Variants in CDKL1 observed in about 807,000 individuals in gnomAD.
CDKL1 encodes the protein cyclin dependent kinase like 1.
A neutral mutation model predicts 42.0 loss-of-function variants in CDKL1; 41 were observed. That is an observed-to-expected ratio of 0.98 (90% CI 0.76 to 1.27). CDKL1 has a LOEUF of 1.27. Ranked by LOEUF, CDKL1 falls within the 50% of genes most tolerant of loss-of-function variation. The probability of loss-of-function intolerance (pLI) is 0.00; values close to 1 mark genes in which losing one functional copy is unlikely to be tolerated. For synonymous variants in CDKL1, 153 were observed against 158.6 expected (o/e 0.96, Z 0.26); for missense variants, 394 against 428.4 (o/e 0.92, Z 0.71).
At chr14:50,360,614 G>A (rs1035161481) in intron 2 of CDKL1, among the ~76,000 whole-genome samples, 4 of 151,200 alleles carry the variant, frequency 2.6e-5, no homozygotes, top group African/African-American at 9.7e-5. Flanking sequence ...CGCCATGTTG[G>A]TCAGGCTGGT....
intron 6 of CDKL1, among the ~76,000 whole-genome samples, chr14:50,339,519 A>AG (rs1339507140): frequency 1.5e-4 from 13 of 87,240 alleles, no homozygotes; most frequent in East Asian, 7.8e-4. Context: ...AGAGGGAGGG[A>AG]GGAAGAGAGG....
chr14:50,328,921 A>AT lies in CDKL1; in HGVS notation c.*1152_*1153insA, dbSNP rs2032801516. 4.6e-5 allele frequency: 5 copies of AT among 109,022 alleles called. No homozygotes were observed. Among genetic ancestry groups the AT allele is most frequent in the African/African-American group, 1.7e-4 (5 of 28,960 alleles). The allele number at this position is 109,022 out of a possible 1,614,324, so 6.8% of individuals were successfully genotyped here. On this transcript the variant is annotated 3_prime_UTR_variant, in exon 10 of 10. Transcript: ENST00000395834. ...GTGGCAGGTTTTATATATATATATAAAAAACACATATATATATATGTGTGT... is the reference window on the plus strand; with the variant it reads ...GTGGCAGGTTTTATATATATATATAATAAAACACATATATATATATGTGTGT...
At chr14:50,363,109 C>T (rs1161058562) in intron 2 of CDKL1, 2 of 287,944 alleles carry the variant, frequency 6.9e-6, no homozygotes, top group African/African-American at 4.4e-5. Flanking sequence ...TCTGCAGCTT[C>T]ACTCTTGAGC....
chr14:50,356,191 T>G (rs1014009988), intron 3 of CDKL1, among the ~76,000 whole-genome samples: 3 of 152,150 alleles, frequency 2.0e-5, no homozygotes, highest in Non-Finnish European at 2.9e-5. Context: ...GTCTAATAGA[T>G]CAAATATGAA....
In CDKL1 at chr14:50,342,215, T is replaced by C; in HGVS notation, c.371A>G (p.His124Arg). Residue 124 changes from histidine to arginine, a missense_variant, in exon 5 of 10, where the codon CAT becomes CGT. His to Arg is a conservative substitution (Grantham distance 29). Coordinates refer to ENST00000395834, the MANE Select transcript of CDKL1 (RefSeq NM_004196.7). ...GATATTTTCTGGCTTCACGTCTCTA[T>C]GTATGCACTAGTGTAACAAATCAAA... ...VNFCHKHNCI[H>R]RDVKPENILI... is the part of the protein sequence containing the mutation. The C allele has an allele frequency of 6.2e-7, 1 of 1,613,340 alleles. No homozygotes were observed. The highest frequency in any genetic ancestry group is 2.2e-5 in the East Asian group (1 of 44,854).
At chr14:50,373,675 T>G (rs2034649449) in intron 2 of CDKL1, among the ~76,000 whole-genome samples, 1 of 152,158 alleles carries the variant, frequency 6.6e-6, no homozygotes, top group African/African-American at 2.4e-5. Flanking sequence ...GAAAAGATGA[T>G]TAACATCTTT....
In CDKL1 at chr14:50,328,191, T is replaced by C. The variant is rs568297214; in HGVS notation, c.*1883A>G. On this transcript the variant is annotated 3_prime_UTR_variant, in exon 10 of 10. Coordinates refer to ENST00000395834, the MANE Select transcript of CDKL1 (RefSeq NM_004196.7). ...TATTAGGCTGTTATAGTAATCTGCC[T>C]CCGTCAAGTGTATTTTCTTGGGTTA... 1.4e-4 allele frequency: 22 copies of C among 152,306 alleles called. No individual in the cohort carries two copies. The South Asian group carries it at 4.6e-3, about 32-fold the overall frequency. 9.4% of individuals were successfully genotyped at this position (152,306 alleles called of 1,614,324 possible). A position where few individuals can be genotyped will look rare whatever the true frequency, so the allele number is the denominator to read the frequency against.
intron 7 of CDKL1, among the ~76,000 whole-genome samples, chr14:50,337,850 T>G (rs2033364315): frequency 6.6e-6 from 1 of 151,518 alleles, no homozygotes; most frequent in Non-Finnish European, 1.5e-5. Flanking sequence ...TAGGCCAACT[T>G]TTTGTATTTT....
chr14:50,335,492 G>A (rs541421302), intron 7 of CDKL1: 195 of 1,535,994 alleles, frequency 1.3e-4, no homozygotes, highest in Admixed American at 8.0e-4. Context: ...TGGGGCATTC[G>A]TCAATCTCCT....
At chr14:50,391,610 C>T (rs1407894000) in intron 2 of CDKL1, among the ~76,000 whole-genome samples, 4 of 152,070 alleles carry the variant, frequency 2.6e-5, no homozygotes, top group African/African-American at 7.2e-5. Context: ...CTCAAGCTCC[C>T]GACCTCAAGT....
At chr14:50,375,898 CAG>C (rs1157217732) in intron 2 of CDKL1, among the ~76,000 whole-genome samples, 1 of 152,026 alleles carries the variant, frequency 6.6e-6, no homozygotes, top group Non-Finnish European at 1.5e-5. Flanking sequence ...TGAGAAAAAA[CAG>C]ACAAATTCCA....
intron 2 of CDKL1, among the ~76,000 whole-genome samples, chr14:50,385,297 G>C (rs912897723): frequency 2.6e-5 from 4 of 152,022 alleles, no homozygotes; most frequent in Non-Finnish European, 5.9e-5. Context: ...CTTACTGATG[G>C]GAGCTAGTGT....
chr14:50,330,886 C>T (rs908775868), intron 9 of CDKL1: 7 of 152,110 alleles, frequency 4.6e-5, no homozygotes, highest in Non-Finnish European at 7.3e-5. Flanking sequence ...AGCCATTGTC[C>T]TCAGAAAAGT....
At chr14:50,369,496 TTTAA>T (rs1454431398) in intron 2 of CDKL1, among the ~76,000 whole-genome samples, 6 of 151,650 alleles carry the variant, frequency 4.0e-5, no homozygotes, top group African/African-American at 1.4e-4. Context: ...TAGAGGTATA[TTTAA>T]TTTTTTGTTG....
intron 2 of CDKL1, among the ~76,000 whole-genome samples, chr14:50,383,680 T>C (rs913912260): frequency 2.6e-5 from 4 of 152,210 alleles, no homozygotes; most frequent in Admixed American, 6.6e-5. Flanking sequence ...CTTTTATCAA[T>C]GTGAATTACA....
chr14:50,387,045 A>AAAAAAAT (rs2035103853), intron 2 of CDKL1, among the ~76,000 whole-genome samples: 1 of 147,578 alleles, frequency 6.8e-6, no homozygotes, highest in Non-Finnish European at 1.5e-5. Context: ...AAAAAAAAAA[A>AAAAAAAT]GAATACAAAG....
chr14:50,376,356 A>G (rs1359628895), intron 2 of CDKL1: 1 of 471,074 alleles, frequency 2.1e-6, no homozygotes, highest in Non-Finnish European at 4.4e-6. Context: ...ACTTCTGAGA[A>G]TATACTTTCC....
chr14:50,364,890 C>T (rs1239912228), intron 2 of CDKL1, among the ~76,000 whole-genome samples: 1 of 152,078 alleles, frequency 6.6e-6, no homozygotes, highest in Non-Finnish European at 1.5e-5. Context: ...GATATAGAGA[C>T]AAATAAAGCA....
chr14:50,391,385 A>G (rs530524134), intron 2 of CDKL1, among the ~76,000 whole-genome samples: 5 of 152,258 alleles, frequency 3.3e-5, no homozygotes, highest in Admixed American at 3.3e-4. Context: ...AAGATTAAGG[A>G]GAGTGTATGT....
Sources: gnomAD v4.1 joint callset for allele counts (sites outside exome capture counted in the v4.1 genomes callset) on GRCh38, gnomAD v4.1.1 for gene constraint, MANE v1.5 for transcripts, NCBI Gene and HGNC (gene_info 2026-07-23, HGNC 2026-07-21) for gene names.